The following TRAK1 variants were observed in gnomAD, a reference collection of about 807,000 sequenced individuals.
TRAK1 encodes trafficking kinesin protein 1.
Under a neutral mutation model 92.1 loss-of-function variants are expected in TRAK1, and 33 were observed. That is an observed-to-expected ratio of 0.36 (90% CI 0.27 to 0.48). TRAK1 has a LOEUF of 0.48. TRAK1 is among the 20% of genes least tolerant of loss of function. The pLI is 0.99. For missense variants in TRAK1, 1,123 were observed against 1,257.9 expected (o/e 0.89, Z 1.62); for synonymous variants, 521 against 517.3 (o/e 1.01, Z -0.10).
chr3:42,143,247 T>C (rs1698896628), intron 2 of TRAK1, among the ~76,000 whole-genome samples: 1 of 152,024 alleles, frequency 6.6e-6, no homozygotes, highest in South Asian at 2.1e-4. Flanking sequence ...AAAAAACTTC[T>C]CAATTTGTTT....
At chr3:42,175,370 A>G (rs1045041470) in intron 2 of TRAK1, among the ~76,000 whole-genome samples, 1 of 152,196 alleles carries the variant, frequency 6.6e-6, no homozygotes, top group African/African-American at 2.4e-5. Context: ...TGGACTATCT[A>G]GAGCAATTTG....
chr3:42,068,534 TTAA>T (rs1272891292), intron 1 of TRAK1, among the ~76,000 whole-genome samples: 1 of 152,210 alleles, frequency 6.6e-6, no homozygotes, highest in Non-Finnish European at 1.5e-5. Flanking sequence ...GAGTGAATCA[TTAA>T]GTTCATTTTG....
chr3:42,072,051 G>A (rs1009724921), intron 1 of TRAK1, among the ~76,000 whole-genome samples: 1 of 152,188 alleles, frequency 6.6e-6, no homozygotes, highest in African/African-American at 2.4e-5. Context: ...ATATCCTGCT[G>A]GGATGCCTCT....
chr3:42,167,506 C>G (rs1247636747), intron 2 of TRAK1, among the ~76,000 whole-genome samples: 4 of 152,094 alleles, frequency 2.6e-5, no homozygotes, highest in African/African-American at 9.7e-5. Flanking sequence ...TTTCTATTAC[C>G]AAGTACTGTG....
At chr3:42,146,135 TC>T in intron 2 of TRAK1, 10 of 430,130 alleles carry the variant, frequency 2.3e-5, no homozygotes, top group Non-Finnish European at 4.1e-5. Context: ...CTACATTGTG[TC>T]CTTGGTCTGC....
At chr3:42,219,194 C>T (rs1359178573) in intron 14 of TRAK1, 1 of 983,708 alleles carries the variant, frequency 1.0e-6, no homozygotes, top group Non-Finnish European at 1.2e-6. Context: ...CATTACCCCA[C>T]CCCCCTCGCC....
chr3:42,127,292 C>A (rs964793267), intron 2 of TRAK1, among the ~76,000 whole-genome samples: 12 of 151,508 alleles, frequency 7.9e-5, no homozygotes, highest in Non-Finnish European at 1.3e-4. Flanking sequence ...TGTGATTCTG[C>A]AGTACCTATC....
chr3:42,143,919 T>G (rs1211966519), intron 2 of TRAK1, among the ~76,000 whole-genome samples: 1 of 152,212 alleles, frequency 6.6e-6, no homozygotes, highest in Non-Finnish European at 1.5e-5. Context: ...TAGTTCACTT[T>G]GAAATTGCTT....
chr3:42,107,311 T>C (rs1303072300), intron 1 of TRAK1, among the ~76,000 whole-genome samples: 1 of 152,028 alleles, frequency 6.6e-6, no homozygotes, highest in Non-Finnish European at 1.5e-5. Context: ...GTCAGGAGAT[T>C]GAGATCATCG....
chr3:42,066,983 A>T (rs1428491338), intron 1 of TRAK1, among the ~76,000 whole-genome samples: 4 of 152,094 alleles, frequency 2.6e-5, no homozygotes, highest in African/African-American at 9.7e-5. Flanking sequence ...TCTCAATACC[A>T]CACATTCCTA....
chr3:42,045,876 T>C (rs1285354581), intron 1 of TRAK1, among the ~76,000 whole-genome samples: 1 of 152,216 alleles, frequency 6.6e-6, no homozygotes, highest in African/African-American at 2.4e-5. Context: ...GTTTAGTAAA[T>C]TGAAACACTT....
Position 42,191,610 on chromosome 3 carries a change from T to C in TRAK1, c.743T>C (p.Leu248Pro). 1 of 1,604,350 alleles carries C rather than the reference T, an allele frequency of 6.2e-7. No homozygotes were observed. Among genetic ancestry groups the C allele is most frequent in the South Asian group, 1.1e-5 (1 of 88,504 alleles). Residue 248 changes from leucine to proline, a missense_variant, in exon 7 of 16, where the codon CTG (leucine) becomes CCG (proline). By Grantham distance (98) the Leu-to-Pro change is moderately conservative (BLOSUM62 -3). This residue lies in a region of TRAK1 where 686 missense variants were observed against 747.6 expected (regional missense o/e 0.92). Transcript: ENST00000327628. ...TITYEEKEQQLVNDCVKELRD... is the reference protein window; with the variant it reads ...TITYEEKEQQPVNDCVKELRD... Reference sequence around the variant, plus strand: ...ACCTATGAGGAGAAGGAGCAGCAGCTGGTCAATGACTGCGTGAAGGAGCTG... The same window carrying C: ...ACCTATGAGGAGAAGGAGCAGCAGCCGGTCAATGACTGCGTGAAGGAGCTG...
At chr3:42,183,568 A>AAAAG (rs1279931074) in intron 3 of TRAK1, among the ~76,000 whole-genome samples, 255 of 144,950 alleles carry the variant, frequency 1.8e-3, no homozygotes, top group Middle Eastern at 7.1e-3. Context: ...AAAAAAAAAA[A>AAAAG]AAAGAAAGAA....
At chr3:42,059,715 ATTC>A (rs1388226907) in intron 1 of TRAK1, among the ~76,000 whole-genome samples, 1 of 152,206 alleles carries the variant, frequency 6.6e-6, no homozygotes, top group African/African-American at 2.4e-5. Flanking sequence ...GAGTATTTTT[ATTC>A]TTCTACAGAG....
At chr3:42,209,440 C>T (rs1708711815) in intron 13 of TRAK1, among the ~76,000 whole-genome samples, 1 of 152,036 alleles carries the variant, frequency 6.6e-6, no homozygotes, top group African/African-American at 2.4e-5. Context: ...ATGTTGAGTT[C>T]TGGGGTTGAC....
intron 1 of TRAK1, among the ~76,000 whole-genome samples, chr3:42,114,147 G>A (rs1257891463): frequency 6.6e-6 from 1 of 152,158 alleles, no homozygotes; most frequent in East Asian, 1.9e-4. Flanking sequence ...CCATGTTGCA[G>A]CGTATATCAG....
chr3:42,084,430 TAAA>T (rs920093288), upstream of TRAK1, among the ~76,000 whole-genome samples: 1 of 151,888 alleles, frequency 6.6e-6, no homozygotes, highest in Non-Finnish European at 1.5e-5. Flanking sequence ...TCCATATTTT[TAAA>T]AAAGTGTAAA....
At chr3:42,193,719 C>A in intron 8 of TRAK1, 105 bp from the exon 9 acceptor site, 1 of 1,161,276 alleles carries the variant, frequency 8.6e-7, no homozygotes, top group Non-Finnish European at 1.3e-6. Flanking sequence ...ATGAGCATGT[C>A]CTTGTAGAAA....
At chr3:42,164,497 G>A (rs529024779) in intron 2 of TRAK1, among the ~76,000 whole-genome samples, 1 of 152,318 alleles carries the variant, frequency 6.6e-6, no homozygotes, top group Admixed American at 6.5e-5. Flanking sequence ...GAGTCCCTCA[G>A]CTCGAAGCAC....
Sources: gnomAD v4.1 joint callset for allele counts (sites outside exome capture counted in the v4.1 genomes callset) on GRCh38, gnomAD v4.1.1 for gene constraint, gnomAD v4.1.1 regional missense constraint, MANE v1.5 for transcripts, NCBI Gene and HGNC (gene_info 2026-07-23, HGNC 2026-07-21) for gene names.